DENND4A: variants seen among roughly 807,000 people sequenced by gnomAD.
The protein encoded by DENND4A is C-myc promoter-binding protein.
DENND4A carries 70 observed loss-of-function variants against 199.3 expected under a neutral mutation model. That is an observed-to-expected ratio of 0.35 (90% confidence interval 0.29 to 0.43). The LOEUF is 0.43. Among genes scored for constraint, DENND4A ranks in the 20% least tolerant of loss-of-function variants. DENND4A has a pLI of 1.00. For missense variants in DENND4A, 1,723 were observed against 2,255.8 expected (o/e 0.76, Z 4.78); for synonymous variants, 686 against 766.9 (o/e 0.89, Z 1.74).
chr15:65,693,628 G>T (rs762943723), intron 22 of DENND4A, among the ~76,000 whole-genome samples: 21 of 151,082 alleles, frequency 1.4e-4, no homozygotes, highest in Non-Finnish European at 2.7e-4. Context: ...CCTCCTTTCT[G>T]ACTCCTACCC....
chr15:65,696,900 A>C (rs958222595), intron 21 of DENND4A: 3 of 330,246 alleles, frequency 9.1e-6, no homozygotes, highest in Non-Finnish European at 1.8e-5. Context: ...AACATGGATG[A>C]ATACCCAATC....
chr15:65,703,081 T>C, intron 15 of DENND4A, 73 bp from the exon 16 acceptor site: 1 of 1,382,354 alleles, frequency 7.2e-7, no homozygotes, highest in South Asian at 1.4e-5. Flanking sequence ...TGGTTACAGG[T>C]TAATATAATT....
chr15:65,716,359 A>T (rs1427182670), intron 13 of DENND4A, among the ~76,000 whole-genome samples: 1 of 150,098 alleles, frequency 6.7e-6, no homozygotes, highest in Non-Finnish European at 1.5e-5. Flanking sequence ...CTCATCATTT[A>T]ACATTAGGTA....
rs2076962793 is a variant in DENND4A, at chr15:65,691,359, T to C, written c.3235A>G (p.Ser1079Gly). 1.2e-6 allele frequency: 2 copies of C among 1,613,550 alleles called. No individual in the cohort carries two copies. The highest frequency in any genetic ancestry group is 2.7e-5 in the African/African-American group (2 of 74,928). Reference protein sequence around the residue: ...VVWGNRNRNLSGGVLMGFMLN... With the variant: ...VVWGNRNRNLGGGVLMGFMLN... ...ATAAATCCCATCAGTACCCCTCCACTAAGATTACGGTTTCTATTTCCCCAG... is the reference window on the plus strand; with the variant it reads ...ATAAATCCCATCAGTACCCCTCCACCAAGATTACGGTTTCTATTTCCCCAG... The change falls in exon 23 of 33, where the codon AGT (serine) becomes GGT (glycine). Residue 1079 changes from serine (S) to glycine (G), a missense_variant. By Grantham distance (56) the Ser-to-Gly change is moderately conservative. Transcript: ENST00000443035.
chr15:65,784,409 C>A (rs1240651818), intron 1 of DENND4A, among the ~76,000 whole-genome samples: 1 of 150,942 alleles, frequency 6.6e-6, no homozygotes, highest in Non-Finnish European at 1.5e-5. Context: ...ACAAATTTAA[C>A]ATTGAAATGT....
intron 23 of DENND4A, 77 bp from the exon 24 acceptor site, chr15:65,676,711 A>G (rs1040064360): frequency 1.8e-5 from 21 of 1,154,488 alleles, no homozygotes; most frequent in Non-Finnish European, 2.5e-5. Flanking sequence ...AAGGCAGAAA[A>G]AACACTTATC....
chr15:65,766,985 AC>A (rs1440823777), intron 1 of DENND4A, among the ~76,000 whole-genome samples: 1 of 152,240 alleles, frequency 6.6e-6, no homozygotes, highest in Non-Finnish European at 1.5e-5. Flanking sequence ...CAGAATAAGA[AC>A]ACACTGGAAA....
chr15:65,752,749 G>A, intron 3 of DENND4A, 121 bp from the exon 4 acceptor site: 1 of 664,492 alleles, frequency 1.5e-6, no homozygotes. Context: ...CAATCTTACT[G>A]CAATTTTAAA....
chr15:65,709,711 A>AT (rs1480797942), intron 14 of DENND4A, among the ~76,000 whole-genome samples: 5 of 116,330 alleles, frequency 4.3e-5, no homozygotes, highest in Admixed American at 8.8e-5. Flanking sequence ...AAAAAAAAAA[A>AT]AAAAAAAAAT....
At position 65,771,700 on chromosome 15, in the gene DENND4A, T is replaced by A. The variant is rs2077130221; in HGVS notation, c.-101-10262A>T. On this transcript the variant is annotated intron_variant, in intron 1 of 32. Coordinates refer to ENST00000443035, the MANE Select transcript of DENND4A (RefSeq NM_001320835.1). Reference sequence around the variant, plus strand: ...CTGAAGGAAATCCACCCCCAAAAAATATATTAAACAAGTCTTCTGGAGTTA... The same window carrying A: ...CTGAAGGAAATCCACCCCCAAAAAAAATATTAAACAAGTCTTCTGGAGTTA... The A allele has an allele frequency of 3.1e-6, 5 of 1,610,050 alleles. No homozygotes were observed. In the Admixed American group the frequency reaches 6.7e-5, roughly 21 times the overall value.
In DENND4A at chr15:65,720,965, A is replaced by ATATACAAATATGTATATGTATATG. The variant is rs1555425669; in HGVS notation, c.1588+1882_1588+1883insCATATACATATACATATTTGTATA. Among the ~76,000 whole-genome samples, 173 of 115,898 alleles carry ATATACAAATATGTATATGTATATG rather than the reference A, an allele frequency of 1.5e-3. 10 individuals are homozygous for ATATACAAATATGTATATGTATATG. Among genetic ancestry groups the ATATACAAATATGTATATGTATATG allele is most frequent in the Admixed American group, 0.012 (139 of 11,636 alleles). The allele number at this position is 115,898 out of a possible 152,430, so 76.0% of individuals were successfully genotyped here. A position where few individuals can be genotyped will look rare whatever the true frequency, so the allele number is the denominator to read the frequency against. On this transcript the variant is annotated intron_variant, in intron 12 of 32. Transcript: ENST00000443035. Reference sequence around the variant, plus strand: ...TCATTGATTATATATATATATATATATATATATATATATATATTTGTACTT... The same window carrying ATATACAAATATGTATATGTATATG: ...TCATTGATTATATATATATATATATATATACAAATATGTATATGTATATGTATATATATATATATATTTGTACTT...
chr15:65,721,149 T>C (rs2075628190), intron 12 of DENND4A, among the ~76,000 whole-genome samples: 1 of 151,258 alleles, frequency 6.6e-6, no homozygotes, highest in Admixed American at 6.6e-5. Flanking sequence ...ACAATAGCTG[T>C]TGGGCTTCTT....
intron 23 of DENND4A, among the ~76,000 whole-genome samples, chr15:65,680,439 A>G (rs1440623351): frequency 6.6e-6 from 1 of 152,216 alleles, no homozygotes; most frequent in Non-Finnish European, 1.5e-5. Context: ...ATGTATTTTA[A>G]CATCCTGAAC....
chr15:65,691,496 A>G lies in DENND4A; in HGVS notation c.3098T>C (p.Leu1033Pro). The part of the protein sequence containing the change: ...SGESMESTPE[L>P]LLISSLEDTN... ...ATCTTCAAGAGATGATATTAAGAGC[A>G]GCTCAGGTGTGCTTTCTGAAAAACA... The change falls in exon 23 of 33, where the codon CTG (leucine) becomes CCG (proline). Residue 1033 changes from leucine to proline, a missense_variant. Physicochemically the swap from Leu to Pro is moderately conservative, Grantham distance 98. Around this residue, in one of 6 missense-constraint regions of DENND4A, gnomAD observed 650 missense variants for 738.1 expected, o/e 0.88. Coordinates refer to ENST00000443035, the MANE Select transcript of DENND4A (RefSeq NM_001320835.1). The G allele has an allele frequency of 6.3e-7, 1 of 1,596,698 alleles. No individual in the cohort carries two copies. Among genetic ancestry groups the G allele is most frequent in the Middle Eastern group, 1.7e-4 (1 of 5,962 alleles).
chr15:65,671,661 A>AT, intron 25 of DENND4A, 131 bp downstream of exon 25: 3 of 639,760 alleles, frequency 4.7e-6, no homozygotes, highest in Non-Finnish European at 5.5e-6. Context: ...AAGTGCTGGG[A>AT]TTACAGGCGT....
rs886123820 is a variant in DENND4A, at chr15:65,661,974, T to C, written c.5601A>G (p.Lys1867=). Reference sequence around the variant, plus strand: ...GACGATCGTATGCCATCTTGTACTCTTTATCAAAAGCATCTGCAGAAATTG... The same window carrying C: ...GACGATCGTATGCCATCTTGTACTCCTTATCAAAAGCATCTGCAGAAATTG... ...RENIDIDAFD[K]EYKMAYDRLT... The change falls in exon 33 of 33, where the codon AAA becomes AAG. Residue 1867 remains lysine (K), a synonymous_variant. Transcript: ENST00000443035. 2 of 1,607,778 alleles carry C rather than the reference T, an allele frequency of 1.2e-6. No individual in the cohort carries two copies. The highest frequency in any genetic ancestry group is 2.7e-5 in the African/African-American group (2 of 74,720).
At chr15:65,760,019 A>G (rs981907611) in intron 2 of DENND4A, among the ~76,000 whole-genome samples, 2 of 152,230 alleles carry the variant, frequency 1.3e-5, no homozygotes, top group African/African-American at 4.8e-5. Flanking sequence ...TTGTTGAAAT[A>G]GAATTATTAG....
intron 14 of DENND4A, among the ~76,000 whole-genome samples, chr15:65,711,703 CAT>C (rs2075256137): frequency 6.6e-6 from 1 of 152,208 alleles, no homozygotes; most frequent in Admixed American, 6.5e-5. Context: ...TGTCAAAACT[CAT>C]TAAACTTTGT....
At chr15:65,771,701 A>G (rs2077130422) in intron 1 of DENND4A, 1 of 1,610,068 alleles carries the variant, frequency 6.2e-7, no homozygotes, top group African/African-American at 1.3e-5. Context: ...CCCAAAAAAT[A>G]TATTAAACAA....
Sources: allele counts gnomAD v4.1 joint callset (sites outside exome capture counted in the v4.1 genomes callset), GRCh38; gene constraint gnomAD v4.1.1; regional missense constraint gnomAD v4.1.1; transcripts MANE v1.5; gene names NCBI Gene and HGNC (gene_info 2026-07-23, HGNC 2026-07-21).